The following NGLY1 variants were observed in gnomAD, a reference collection of about 807,000 sequenced individuals.
The protein encoded by NGLY1 is peptide-N(4)-(N-acetyl-beta-glucosaminyl)asparagine amidase.
Under a neutral mutation model 84.6 loss-of-function variants are expected in NGLY1, and 68 were observed. That is an observed-to-expected ratio of 0.80 (90% CI 0.66 to 0.98). NGLY1 has a LOEUF of 0.98. Among genes scored for constraint, NGLY1 ranks in the 50% least tolerant of loss-of-function variants. The probability of loss-of-function intolerance (pLI) is 0.00; values close to 1 mark genes in which losing one functional copy is unlikely to be tolerated. For missense variants in NGLY1, 779 were observed against 770.2 expected, an observed-to-expected ratio of 1.01 and a Z score of -0.14; for synonymous variants, 280 against 275.2, an observed-to-expected ratio of 1.02 and a Z score of -0.17.
intron 10 of NGLY1, among the ~76,000 whole-genome samples, chr3:25,720,431 A>C (rs1290169191): frequency 6.6e-6 from 1 of 152,176 alleles, no homozygotes; most frequent in Non-Finnish European, 1.5e-5. Context: ...AAAAAGTGCA[A>C]TTCTAAAGGA....
intron 4 of NGLY1, among the ~76,000 whole-genome samples, chr3:25,745,256 CTCATT>C: frequency 6.6e-6 from 1 of 152,294 alleles, no homozygotes; most frequent in South Asian, 2.1e-4. Context: ...GATTTTTCAT[CTCATT>C]TAATTTAAAT....
intron 2 of NGLY1, among the ~76,000 whole-genome samples, chr3:25,774,481 T>C (rs1285511077): frequency 6.6e-6 from 1 of 152,124 alleles, no homozygotes; most frequent in Non-Finnish European, 1.5e-5. Context: ...CTGTGGCGGA[T>C]GGGGGTGTGG....
intron 10 of NGLY1, among the ~76,000 whole-genome samples, chr3:25,725,747 G>GAA (rs371992394): frequency 6.3e-4 from 92 of 145,276 alleles, no homozygotes; most frequent in African/African-American, 2.2e-3. Context: ...AGAGAGAACA[G>GAA]AAAAAAAAAA....
At chr3:25,766,051 T>C (rs968217737) in intron 2 of NGLY1, among the ~76,000 whole-genome samples, 3 of 151,608 alleles carry the variant, frequency 2.0e-5, no homozygotes, top group Non-Finnish European at 2.9e-5. Context: ...CCCTGAAAAG[T>C]AGGTATTAGA....
At chr3:25,737,250 C>T (rs1575619661) in intron 6 of NGLY1, 84 bp downstream of exon 6, 2 of 1,204,730 alleles carry the variant, frequency 1.7e-6, no homozygotes, top group Non-Finnish European at 2.3e-6. Flanking sequence ...CAAAAAGTAA[C>T]AGAGAATCAT....
In NGLY1 at chr3:25,746,397, GAATA is replaced by G. The variant is rs373439134; in HGVS notation, c.658+4697_658+4700del. ...TAATTAAAACTTTTTAAGCGTGAAA[GAATA>G]TATACACAGATCTTAAATACACATA... On this transcript the variant is annotated intron_variant, in intron 4 of 11. Transcript: ENST00000280700. 2.6e-3 allele frequency among the ~76,000 whole-genome samples: 401 copies of G among 152,270 alleles called. 1 individual carries two copies. Among genetic ancestry groups the G allele is most frequent in the African/African-American group, 9.1e-3 (377 of 41,556 alleles).
intron 10 of NGLY1, among the ~76,000 whole-genome samples, chr3:25,727,228 A>T (rs1391053570): frequency 6.6e-6 from 1 of 152,234 alleles, no homozygotes; most frequent in Non-Finnish European, 1.5e-5. Context: ...AAATACATGT[A>T]GCTAGAAAGA....
At chr3:25,733,328 G>A (rs1436141846) in intron 8 of NGLY1, among the ~76,000 whole-genome samples, 1 of 151,986 alleles carries the variant, frequency 6.6e-6, no homozygotes, top group African/African-American at 2.4e-5. Flanking sequence ...CACATGTATA[G>A]AGTTAAAAAT....
intron 9 of NGLY1, among the ~76,000 whole-genome samples, chr3:25,730,797 T>C (rs1705500388): frequency 6.6e-6 from 1 of 152,138 alleles, no homozygotes. Flanking sequence ...ATGGCAAATT[T>C]AGAAAAAGTA....
chr3:25,732,285 T>C (rs1705574678), intron 9 of NGLY1, 34 bp downstream of exon 9: 3 of 1,605,346 alleles, frequency 1.9e-6, no homozygotes, highest in Non-Finnish European at 1.7e-6. Flanking sequence ...AGCAGGAAAG[T>C]AAAAGGATCA....
At chr3:25,721,823 C>T (rs538226963) in intron 10 of NGLY1, among the ~76,000 whole-genome samples, 2 of 150,462 alleles carry the variant, frequency 1.3e-5, no homozygotes, top group African/African-American at 4.9e-5. Flanking sequence ...ATTGCCAATG[C>T]TCCTTTTTAT....
intron 1 of NGLY1, among the ~76,000 whole-genome samples, chr3:25,780,892 T>C (rs975854038): frequency 2.6e-5 from 4 of 152,144 alleles, no homozygotes; most frequent in African/African-American, 9.7e-5. Context: ...CCACTTCGAC[T>C]GGCCTTTGTT....
At chr3:25,782,176 T>A (rs1708449484) in intron 1 of NGLY1, among the ~76,000 whole-genome samples, 1 of 152,152 alleles carries the variant, frequency 6.6e-6, no homozygotes, top group African/African-American at 2.4e-5. Context: ...TCATTACCAT[T>A]GCCTAAATGA....
At chr3:25,746,065 A>C (rs1349616963) in intron 4 of NGLY1, among the ~76,000 whole-genome samples, 1 of 152,182 alleles carries the variant, frequency 6.6e-6, no homozygotes, top group African/African-American at 2.4e-5. Flanking sequence ...AACTTGGTAT[A>C]CACTGCTCTG....
chr3:25,759,516 G>A (rs1707201061), intron 3 of NGLY1, among the ~76,000 whole-genome samples: 1 of 151,842 alleles, frequency 6.6e-6, no homozygotes, highest in Non-Finnish European at 1.5e-5. Flanking sequence ...TAGTTTTAAT[G>A]GCACTCAAAA....
At chr3:25,771,770 GTATTT>G (rs547039511) in intron 2 of NGLY1, among the ~76,000 whole-genome samples, 1 of 152,110 alleles carries the variant, frequency 6.6e-6, no homozygotes, top group Non-Finnish European at 1.5e-5. Context: ...ATATTCCTAA[GTATTT>G]TATTTTATTT....
At chr3:25,740,331 T>C (rs1706066637) in intron 4 of NGLY1, among the ~76,000 whole-genome samples, 1 of 152,016 alleles carries the variant, frequency 6.6e-6, no homozygotes, top group African/African-American at 2.4e-5. Context: ...CCCAAACACA[T>C]AAAAACACAA....
intron 2 of NGLY1, among the ~76,000 whole-genome samples, chr3:25,778,020 G>C (rs766924118): frequency 1.3e-5 from 2 of 152,070 alleles, no homozygotes; most frequent in African/African-American, 4.8e-5. Flanking sequence ...TAAACATAAA[G>C]AAAATTCAGA....
chr3:25,787,076 G>A (rs962229933), upstream of NGLY1, among the ~76,000 whole-genome samples: 1 of 152,224 alleles, frequency 6.6e-6, no homozygotes, highest in African/African-American at 2.4e-5. Flanking sequence ...CACATTTAAA[G>A]GTGGGACCCA....
Sources: gnomAD v4.1 joint callset for allele counts (sites outside exome capture counted in the v4.1 genomes callset) on GRCh38, gnomAD v4.1.1 for gene constraint, MANE v1.5 for transcripts, NCBI Gene and HGNC (gene_info 2026-07-23, HGNC 2026-07-21) for gene names.